The following SMURF1 variants were observed in gnomAD, a reference collection of about 807,000 sequenced individuals.
The protein encoded by SMURF1 is SMAD specific E3 ubiquitin protein ligase 1, also known as E3 ubiquitin-protein ligase SMURF1.
In SMURF1, 44 loss-of-function variants were observed where a neutral mutation model predicts 98.0. That is an observed-to-expected ratio of 0.45 (90% CI 0.35 to 0.58). The LOEUF (loss-of-function observed/expected upper bound fraction) is 0.58. Among genes scored for constraint, SMURF1 ranks in the 20% least tolerant of loss-of-function variants. The pLI, the probability that SMURF1 is intolerant of heterozygous loss-of-function variation, is 0.00. For missense variants in SMURF1, 687 were observed against 938.4 expected (o/e 0.73, Z 3.50); for synonymous variants, 396 against 374.9 (o/e 1.06, Z -0.65).
At chr7:99,126,302 ATAAAG>A (rs772686538) in intron 1 of SMURF1, among the ~76,000 whole-genome samples, 5 of 152,178 alleles carry the variant, frequency 3.3e-5, no homozygotes, top group Non-Finnish European at 4.4e-5. Flanking sequence ...ATTTCAAATA[ATAAAG>A]TACTTATTTC....
chr7:99,037,925 T>A (rs1391824379), intron 14 of SMURF1, among the ~76,000 whole-genome samples: 1 of 152,226 alleles, frequency 6.6e-6, no homozygotes, highest in Non-Finnish European at 1.5e-5. Flanking sequence ...CATTTGAAAG[T>A]ACAGCACAGG....
At chr7:99,070,434 C>A (rs992416518) in intron 1 of SMURF1, among the ~76,000 whole-genome samples, 11 of 152,174 alleles carry the variant, frequency 7.2e-5, no homozygotes, top group African/African-American at 2.7e-4. Flanking sequence ...CTCTGCTGCA[C>A]CCCCATCCCA....
intron 1 of SMURF1, among the ~76,000 whole-genome samples, chr7:99,134,393 C>T (rs911630624): frequency 3.8e-4 from 58 of 152,052 alleles, no homozygotes; most frequent in Non-Finnish European, 1.6e-4. Context: ...ACTGTACAGA[C>T]GGGAGGTATT....
intron 15 of SMURF1, 68 bp from the exon 16 acceptor site, chr7:99,035,784 G>T: frequency 6.8e-7 from 1 of 1,471,334 alleles, no homozygotes; most frequent in Non-Finnish European, 9.3e-7. Context: ...CGCCTCCTAG[G>T]TACCCGACAC....
chr7:99,143,705 T>G (rs2150665430), intron 1 of SMURF1, 21 bp downstream of exon 1: 2 of 1,543,208 alleles, frequency 1.3e-6, no homozygotes, highest in Admixed American at 1.9e-5. Flanking sequence ...GGGGCGCGGG[T>G]GGGCCTCCCG....
intron 1 of SMURF1, among the ~76,000 whole-genome samples, chr7:99,100,659 T>C (rs1797057630): frequency 6.6e-6 from 1 of 152,244 alleles, no homozygotes; most frequent in South Asian, 2.1e-4. Flanking sequence ...CTAAAGCAGA[T>C]TTATTTGAAT....
intron 1 of SMURF1, among the ~76,000 whole-genome samples, chr7:99,062,877 G>A (rs544457571): frequency 8.6e-5 from 13 of 151,954 alleles, no homozygotes; most frequent in Non-Finnish European, 1.3e-4. Context: ...CAGTGTTGAT[G>A]TATAGAAAGA....
At chr7:99,052,547 AT>A (rs1563006852) in intron 6 of SMURF1, 101 bp from the exon 7 acceptor site, 1 of 1,263,394 alleles carries the variant, frequency 7.9e-7, no homozygotes, top group East Asian at 2.9e-5. Context: ...ACATAAATTG[AT>A]TTGCTTTCCT....
At chr7:99,078,195 G>A (rs763821237) in intron 1 of SMURF1, among the ~76,000 whole-genome samples, 77 of 151,710 alleles carry the variant, frequency 5.1e-4, no homozygotes, top group Non-Finnish European at 9.7e-4. Context: ...CCAGCTACAC[G>A]GGAGGCTGAG....
chr7:99,037,597 T>C (rs1019403749), intron 14 of SMURF1, among the ~76,000 whole-genome samples: 1 of 152,102 alleles, frequency 6.6e-6, no homozygotes, highest in Non-Finnish European at 1.5e-5. Context: ...AGCCCCCCAC[T>C]CCCCGGATCT....
intron 11 of SMURF1, 44 bp downstream of exon 11, chr7:99,045,645 TTGAAAAGAC>T: frequency 6.8e-7 from 1 of 1,470,030 alleles, no homozygotes; most frequent in Admixed American, 1.7e-5. Flanking sequence ...ATGACTTCTC[TTGAAAAGAC>T]TGAGATCCAC....
chr7:99,087,957 T>A (rs758624861), intron 1 of SMURF1, among the ~76,000 whole-genome samples: 1 of 146,992 alleles, frequency 6.8e-6, no homozygotes, highest in Non-Finnish European at 1.5e-5. Context: ...AAAATTTCTT[T>A]AAAAAAAAAA....
At chr7:99,103,796 C>T (rs971822463) in intron 1 of SMURF1, among the ~76,000 whole-genome samples, 2 of 152,076 alleles carry the variant, frequency 1.3e-5, no homozygotes, top group African/African-American at 4.8e-5. Context: ...GGACACAAAA[C>T]TTCAAAGAGA....
At chr7:99,107,018 T>C (rs561467042) in intron 1 of SMURF1, among the ~76,000 whole-genome samples, 23 of 152,220 alleles carry the variant, frequency 1.5e-4, no homozygotes, top group Admixed American at 1.3e-3. Context: ...ACATCGTAGA[T>C]TCTGTGATGT....
At chr7:99,054,724 T>C (rs1370287285) in intron 6 of SMURF1, 66 bp downstream of exon 6, 4 of 1,425,902 alleles carry the variant, frequency 2.8e-6, no homozygotes, top group Non-Finnish European at 3.9e-6. Context: ...GAAGGGCGCT[T>C]TCCTATAGGC....
At chr7:99,076,280 T>G (rs1369892967) in intron 1 of SMURF1, among the ~76,000 whole-genome samples, 1 of 152,190 alleles carries the variant, frequency 6.6e-6, no homozygotes, top group Non-Finnish European at 1.5e-5. Context: ...GAAAAAAAAG[T>G]AACTTTACAG....
At chr7:99,065,944 G>A (rs940628923) in intron 1 of SMURF1, among the ~76,000 whole-genome samples, 1 of 151,992 alleles carries the variant, frequency 6.6e-6, no homozygotes, top group Non-Finnish European at 1.5e-5. Context: ...TACTTGGGAG[G>A]TTGAGGCAGG....
intron 1 of SMURF1, among the ~76,000 whole-genome samples, chr7:99,074,484 A>G (rs1796406486): frequency 6.6e-6 from 1 of 152,246 alleles, no homozygotes; most frequent in Non-Finnish European, 1.5e-5. Context: ...AATGAATGGG[A>G]TATCATTATG....
chr7:99,088,599 GAC>G (rs1796734297), intron 1 of SMURF1, among the ~76,000 whole-genome samples: 1 of 151,900 alleles, frequency 6.6e-6, no homozygotes, highest in Non-Finnish European at 1.5e-5. Context: ...AATAAACACT[GAC>G]ACAGAGAATC....
Sources: gnomAD v4.1 joint callset for allele counts (sites outside exome capture counted in the v4.1 genomes callset) on GRCh38, gnomAD v4.1.1 for gene constraint, MANE v1.5 for transcripts, NCBI Gene and HGNC (gene_info 2026-07-23, HGNC 2026-07-21) for gene names.